EPB41L5: variants seen among roughly 807,000 people sequenced by gnomAD.
EPB41L5 encodes band 4.1-like protein 5.
In EPB41L5, 55 loss-of-function variants were observed where a neutral mutation model predicts 106.6. The ratio of observed to expected loss-of-function variants is 0.52; its 90% CI spans 0.42 to 0.65. EPB41L5 has a LOEUF of 0.65. Among genes scored for constraint, EPB41L5 ranks in the 30% least tolerant of loss-of-function variants. The pLI is 0.00. For synonymous variants in EPB41L5, 297 were observed against 306.7 expected (o/e 0.97, Z 0.33); for missense variants, 871 against 882.1 (o/e 0.99, Z 0.16).
rs1409385559 is a variant in EPB41L5, at chr2:120,119,903, A to G, written c.1338-7785A>G. ...CAATATAATTTACATAATAAATTAT[A>G]TTAAGCTCAAAGACAATAAAAAGCT... is the stretch of plus-strand genomic sequence containing the variant. On this transcript the variant is annotated intron_variant, in intron 16 of 24. Coordinates refer to ENST00000263713, the MANE Select transcript of EPB41L5 (RefSeq NM_020909.4). Among the ~76,000 whole-genome samples the G allele has an allele frequency of 2.6e-5, 4 of 152,214 alleles. No homozygotes were observed. In the East Asian group the frequency reaches 7.7e-4, roughly 29 times the overall value.
At chr2:120,078,948 A>G (rs1682441139) in intron 10 of EPB41L5, among the ~76,000 whole-genome samples, 1 of 152,168 alleles carries the variant, frequency 6.6e-6, no homozygotes, top group African/African-American at 2.4e-5. Context: ...AGAGGAAGAT[A>G]CTAATATTTT....
In EPB41L5 at chr2:120,177,913, C is replaced by G. The variant is rs1687974863; in HGVS notation, c.*3006C>G. ...TCACTTCTGGCTAAAACTTGCACCT[C>G]TTCTTCTCTTAGCTAAGCCCCAAAA... On this transcript the variant is annotated 3_prime_UTR_variant, in exon 25 of 25. Transcript: ENST00000263713. 1 of 152,200 alleles carries G rather than the reference C, an allele frequency of 6.6e-6. No individual in the cohort carries two copies. The highest frequency in any genetic ancestry group is 2.4e-5 in the African/African-American group (1 of 41,456). The allele number at this position is 152,200 out of a possible 1,614,324, so 9.4% of individuals were successfully genotyped here.
chr2:120,161,602 T>C (rs569748073), intron 21 of EPB41L5, among the ~76,000 whole-genome samples: 5 of 152,316 alleles, frequency 3.3e-5, no homozygotes, highest in East Asian at 1.9e-4. Flanking sequence ...ATGAAAGAAT[T>C]AAGGGATCTT....
chr2:120,070,203 C>G (rs1681761944), intron 3 of EPB41L5, among the ~76,000 whole-genome samples: 1 of 152,132 alleles, frequency 6.6e-6, no homozygotes, highest in Non-Finnish European at 1.5e-5. Flanking sequence ...TTGTAAACAC[C>G]TCTACACAAA....
intron 10 of EPB41L5, among the ~76,000 whole-genome samples, chr2:120,083,070 A>AT (rs1021130939): frequency 6.6e-6 from 1 of 151,884 alleles, no homozygotes; most frequent in Non-Finnish European, 1.5e-5. Context: ...TCCTGGATTG[A>AT]TTTTTTTGAA....
intron 16 of EPB41L5, chr2:120,104,642 G>A: frequency 1.0e-6 from 1 of 987,022 alleles, no homozygotes; most frequent in Non-Finnish European, 1.2e-6. Context: ...CACAGTGGAA[G>A]CATGTCTAGG....
chr2:120,148,546 C>A (rs1468388073), intron 20 of EPB41L5, among the ~76,000 whole-genome samples: 1 of 152,088 alleles, frequency 6.6e-6, no homozygotes. Context: ...CACCTGGCAA[C>A]CACTAATCTA....
At chr2:120,054,619 A>G (rs1680515062) in intron 3 of EPB41L5, among the ~76,000 whole-genome samples, 1 of 151,708 alleles carries the variant, frequency 6.6e-6, no homozygotes, top group Non-Finnish European at 1.5e-5. Context: ...CTCCTGCCTC[A>G]GCCTCCGAAG....
At chr2:120,142,561 G>A in intron 18 of EPB41L5, among the ~76,000 whole-genome samples, 1 of 152,152 alleles carries the variant, frequency 6.6e-6, no homozygotes. Flanking sequence ...CTATTCTCTT[G>A]ACCAGAGGTT....
At chr2:120,138,429 A>T (rs567909074) in intron 18 of EPB41L5, among the ~76,000 whole-genome samples, 33 of 152,114 alleles carry the variant, frequency 2.2e-4, no homozygotes, top group African/African-American at 7.2e-4. Flanking sequence ...ATACTATTTT[A>T]TATTTGGAAA....
chr2:120,054,438 A>T (rs542553175), intron 3 of EPB41L5, among the ~76,000 whole-genome samples: 17 of 151,872 alleles, frequency 1.1e-4, no homozygotes, highest in African/African-American at 4.1e-4. Context: ...TGTTTGTGTT[A>T]TATCTATCAA....
Position 120,040,399 on chromosome 2 carries a change from A to T in EPB41L5, c.181-1607A>T, listed in dbSNP as rs61631553. Among the ~76,000 whole-genome samples, 804 of 152,160 alleles carry T rather than the reference A, an allele frequency of 5.3e-3. 4 individuals carry two copies. The highest frequency in any genetic ancestry group is 0.018 in the African/African-American group (766 of 41,532). On this transcript the variant is annotated intron_variant, in intron 2 of 24. Coordinates refer to ENST00000263713, the MANE Select transcript of EPB41L5 (RefSeq NM_020909.4). ...TGACTGCAAGAAGATAATGGAATAA[A>T]TTTTTTTTGAGTATGGAGAAAGTAT... is the stretch of plus-strand genomic sequence containing the variant.
At chr2:120,106,887 T>A in intron 16 of EPB41L5, 1 of 979,630 alleles carries the variant, frequency 1.0e-6, no homozygotes, top group Non-Finnish European at 1.2e-6. Context: ...TAAATGAATT[T>A]ACAGAGAAAA....
chr2:120,157,070 G>A (rs1288836730), intron 20 of EPB41L5, among the ~76,000 whole-genome samples: 1 of 152,096 alleles, frequency 6.6e-6, no homozygotes, highest in East Asian at 1.9e-4. Context: ...TAGAAGAACT[G>A]AAATCAGAAC....
At chr2:120,138,631 A>G (rs1407921973) in intron 18 of EPB41L5, among the ~76,000 whole-genome samples, 1 of 151,988 alleles carries the variant, frequency 6.6e-6, no homozygotes, top group Non-Finnish European at 1.5e-5. Flanking sequence ...TAATCAAAGA[A>G]GTGAAAGATT....
At chr2:120,027,060 T>C (rs1678369518) in intron 2 of EPB41L5, among the ~76,000 whole-genome samples, 1 of 152,172 alleles carries the variant, frequency 6.6e-6, no homozygotes, top group Admixed American at 6.5e-5. Context: ...TAATATTAAG[T>C]GTTGGTAAGG....
chr2:120,064,479 G>A (rs76771193), intron 3 of EPB41L5, among the ~76,000 whole-genome samples: 2,619 of 152,230 alleles, frequency 0.017, 73 homozygotes, highest in African/African-American at 0.059. Flanking sequence ...GTATATGTTA[G>A]TGTTTTATGG....
chr2:120,129,903 C>T (rs148362359), intron 17 of EPB41L5, among the ~76,000 whole-genome samples: 22 of 152,122 alleles, frequency 1.4e-4, no homozygotes, highest in African/African-American at 5.1e-4. Flanking sequence ...CCCAGCACTT[C>T]GGGAGGCCAA....
At chr2:120,103,738 C>T in intron 16 of EPB41L5, among the ~76,000 whole-genome samples, 1 of 152,210 alleles carries the variant, frequency 6.6e-6, no homozygotes, top group Non-Finnish European at 1.5e-5. Context: ...AACAACATTT[C>T]TGCTTTTAAT....
Sources: gnomAD v4.1 joint callset for allele counts (sites outside exome capture counted in the v4.1 genomes callset) on GRCh38, gnomAD v4.1.1 for gene constraint, MANE v1.5 for transcripts, NCBI Gene and HGNC (gene_info 2026-07-23, HGNC 2026-07-21) for gene names.